ADSS1: variants seen among roughly 807,000 people sequenced by gnomAD.
ADSS1 encodes adenylosuccinate synthetase isozyme 1.
In ADSS1, 57 loss-of-function variants were observed where a neutral mutation model predicts 59.1. The observed-to-expected ratio is 0.97, with a 90% CI of 0.78 to 1.20. ADSS1 has a LOEUF of 1.20. ADSS1 is among the 50% of genes most tolerant of loss of function. ADSS1 has a pLI of 0.00. For synonymous variants in ADSS1, 247 were observed against 249.4 expected, an observed-to-expected ratio of 0.99 and a Z score of 0.09; for missense variants, 603 against 610.3, an observed-to-expected ratio of 0.99 and a Z score of 0.13.
rs1049069618 is a variant in ADSS1 at position 104,740,033 on chromosome 14, G to A, written c.476+217G>A. ...GGGTTGCACACTGTCCTTGCCGGCT[G>A]CCACTGCCACGCGGCTCCCCCCAGG... On this transcript the variant is annotated intron_variant, in intron 5 of 12. Transcript: ENST00000330877. The surrounding 1 kb of genome is among the most constrained non-coding windows in gnomAD (Gnocchi z 4.8). Among the ~76,000 whole-genome samples, 3 of 152,132 alleles carry A rather than the reference G, an allele frequency of 2.0e-5. No individual in the cohort carries two copies. The highest frequency in any genetic ancestry group is 2.9e-5 in the Non-Finnish European group (2 of 68,024).
chr14:104,735,042 C>G lies in ADSS1; in HGVS notation c.215C>G (p.Thr72Arg), dbSNP rs770565985. Residue 72 changes from threonine (T) to arginine (R), a missense_variant, in exon 2 of 13, where the codon ACG becomes AGG. Physicochemically the swap from Thr to Arg is moderately conservative, Grantham distance 71 (BLOSUM62 -1). Coordinates refer to ENST00000330877, the MANE Select transcript of ADSS1 (RefSeq NM_152328.5). ...RCQGGNNAGH[T>R]VVVDGKEYDF... ...CAGGGGGGCAACAACGCCGGCCACA[C>G]GGTGGTGGTGGATGGGAAAGAGTAC... 3 of 1,613,476 alleles carry G rather than the reference C, an allele frequency of 1.9e-6. No individual in the cohort carries two copies. Among genetic ancestry groups the G allele is most frequent in the Non-Finnish European group, 2.5e-6 (3 of 1,179,660 alleles).
rs765804497 is a variant in ADSS1 at position 104,743,116 on chromosome 14, C to T, written c.998C>T (p.Thr333Ile). ...CGCGGCCACGAGTGGGGAGTGACCA[C>T]AGGCAGGAAGAGGCGCTGCGGCTGG... The part of the protein sequence containing the change: ...QTRGHEWGVT[T>I]GRKRRCGWLD... Residue 333 changes from threonine to isoleucine, a missense_variant, in exon 10 of 13, where the codon ACA becomes ATA. By Grantham distance (89) the Thr-to-Ile change is moderately conservative. Coordinates refer to ENST00000330877, the MANE Select transcript of ADSS1 (RefSeq NM_152328.5). The T allele has an allele frequency of 1.2e-6, 2 of 1,613,156 alleles. No homozygotes were observed. The highest frequency in any genetic ancestry group is 2.2e-5 in the East Asian group (1 of 44,882).
intron 2 of ADSS1, chr14:104,737,829 C>A (rs996925107): frequency 6.5e-6 from 1 of 152,782 alleles, no homozygotes; most frequent in Admixed American, 6.5e-5. Flanking sequence ...TCTTCGAGGC[C>A]TGTGTCAGAA....
rs1387241324 is a variant in ADSS1, at chr14:104,740,956, T to G, written c.666+36T>G. 2 of 1,613,196 alleles carry G rather than the reference T, an allele frequency of 1.2e-6. No homozygotes were observed. The highest frequency in any genetic ancestry group is 4.5e-5 in the East Asian group (2 of 44,874). ...GGCCGCAGTGTGGGGGCTGCGGAAG[T>G]GCTCCTCCAGGGAGGCTGGATGTCC... On this transcript the variant is annotated intron_variant, in intron 7 of 12. Transcript: ENST00000330877. The surrounding 1 kb of genome is among the most constrained non-coding windows in gnomAD (Gnocchi z 4.8).
At position 104,743,604 on chromosome 14, in the gene ADSS1, C is replaced by G. The variant is rs532585076; in HGVS notation, c.1073+413C>G. 1.1e-3 allele frequency: 202 copies of G among 181,564 alleles called. 1 individual carries two copies. The highest frequency in any genetic ancestry group is 4.4e-3 in the African/African-American group (191 of 43,460). The allele number at this position is 181,564 out of a possible 1,614,324, so 11.2% of individuals were successfully genotyped here. ...CTTTCCACAGACTGACCCAGGCTGC[C>G]CAGCTGTTCGGGCTGTCTCCCAGGG... On this transcript the variant is annotated intron_variant, in intron 10 of 12. Transcript: ENST00000330877.
intron 1 of ADSS1, among the ~76,000 whole-genome samples, chr14:104,730,956 AG>A (rs1890904475): frequency 2.1e-4 from 1 of 4,724 alleles, no homozygotes; most frequent in Non-Finnish European, 4.9e-4. Flanking sequence ...CTAGGCAGAG[AG>A]TGGGGGGGGG....
chr14:104,741,016 C>G (rs1038327314), intron 7 of ADSS1, 96 bp downstream of exon 7: 1 of 1,603,920 alleles, frequency 6.2e-7, no homozygotes. Flanking sequence ...TGGGGCACAC[C>G]TGATACTAGG....
intron 2 of ADSS1, chr14:104,737,366 T>A (rs537608009): frequency 1.3e-5 from 2 of 152,222 alleles, no homozygotes; most frequent in Non-Finnish European, 2.9e-5. Context: ...CTTCTTTCAC[T>A]CAGTAACATG....
intron 2 of ADSS1, 159 bp from the exon 3 acceptor site, chr14:104,738,217 C>T (rs1022218075): frequency 1.9e-5 from 11 of 587,936 alleles, no homozygotes; most frequent in Non-Finnish European, 2.3e-5. Flanking sequence ...AGGCTGGTTT[C>T]GAACTCCTGA....
chr14:104,743,220 G>A (rs1019706983), intron 10 of ADSS1, 29 bp downstream of exon 10: 2 of 1,604,606 alleles, frequency 1.2e-6, no homozygotes, highest in Admixed American at 1.7e-5. Context: ...CATCCCCACT[G>A]GGACCGTCCC....
chr14:104,724,583 C>A lies in ADSS1; in HGVS notation c.192+121C>A, dbSNP rs924581260. ...CTCACCCGCTTGGATGCCTTCCTTC[C>A]GGGAGCACCTTTCCCAGGGCCACCC... On this transcript the variant is annotated intron_variant, in intron 1 of 12. Coordinates refer to ENST00000330877, the MANE Select transcript of ADSS1 (RefSeq NM_152328.5). 4.1e-6 allele frequency: 5 copies of A among 1,216,380 alleles called. No individual in the cohort carries two copies. The East Asian group carries it at 1.3e-4, about 31-fold the overall frequency. 75.3% of individuals were successfully genotyped at this position (1,216,380 alleles called of 1,614,324 possible). A position where few individuals can be genotyped will look rare whatever the true frequency, so the allele number is the denominator to read the frequency against.
At chr14:104,738,836 G>A (rs1472624372) in intron 3 of ADSS1, among the ~76,000 whole-genome samples, 1 of 152,252 alleles carries the variant, frequency 6.6e-6, no homozygotes, top group Admixed American at 6.5e-5. Flanking sequence ...GTGTGGGCAA[G>A]TCAGACCTAG....
chr14:104,744,884 C>A lies in ADSS1; in HGVS notation c.1146C>A (p.Asn382Lys), dbSNP rs12432802. 3 of 1,613,874 alleles carry A rather than the reference C, an allele frequency of 1.9e-6. No individual in the cohort carries two copies. Among genetic ancestry groups the A allele is most frequent in the African/African-American group, 2.7e-5 (2 of 74,888 alleles). ...AAGTCGGTGTCTCATACAAGCTGAA[C>A]GGGAAAAGGATTCCCTATTTCCCAG... is the stretch of plus-strand genomic sequence containing the variant. ...EVKVGVSYKL[N>K]GKRIPYFPAN... is the part of the protein sequence containing the mutation. The change falls in exon 11 of 13, where the codon AAC becomes AAA. Residue 382 changes from asparagine (N) to lysine (K), a missense_variant. By Grantham distance (94) the Asn-to-Lys change is moderately conservative. Transcript: ENST00000330877.
intron 1 of ADSS1, among the ~76,000 whole-genome samples, chr14:104,726,228 TC>T (rs1240006775): frequency 2.0e-5 from 3 of 152,218 alleles, no homozygotes; most frequent in Admixed American, 2.0e-4. Context: ...GGCAGGATCA[TC>T]CTGAAGAGCT....
intron 12 of ADSS1, 120 bp downstream of exon 12, chr14:104,746,505 T>C (rs1891564183): frequency 3.0e-6 from 4 of 1,347,074 alleles, no homozygotes; most frequent in African/African-American, 2.9e-5. Context: ...AGCGAATATA[T>C]TGCATGGCAG....
At chr14:104,736,250 C>T (rs1276563073) in intron 2 of ADSS1, among the ~76,000 whole-genome samples, 3 of 152,202 alleles carry the variant, frequency 2.0e-5, no homozygotes, top group Admixed American at 6.5e-5. Context: ...GTGGCCTGCC[C>T]GCCATGTCGC....
intron 1 of ADSS1, among the ~76,000 whole-genome samples, chr14:104,724,847 C>CT (rs2140736337): frequency 6.6e-6 from 1 of 152,248 alleles, no homozygotes; most frequent in Admixed American, 6.5e-5. Flanking sequence ...CCCAAGACAC[C>CT]CCCCTTCCTC....
intron 1 of ADSS1, among the ~76,000 whole-genome samples, chr14:104,727,152 C>A (rs554206750): frequency 6.6e-6 from 1 of 152,342 alleles, no homozygotes; most frequent in African/African-American, 2.4e-5. Context: ...TCGCCTCATT[C>A]TTTTCCCATC....
chr14:104,738,195 A>C, intron 2 of ADSS1, 181 bp from the exon 3 acceptor site: 1 of 485,868 alleles, frequency 2.1e-6, no homozygotes, highest in Non-Finnish European at 3.7e-6. Flanking sequence ...ATGGGGTTTC[A>C]CCATGTGGGC....
Sources: gnomAD v4.1 joint callset for allele counts (sites outside exome capture counted in the v4.1 genomes callset) on GRCh38, gnomAD v4.1.1 for gene constraint, Gnocchi (gnomAD v3.1) non-coding constraint, MANE v1.5 for transcripts, NCBI Gene and HGNC (gene_info 2026-07-23, HGNC 2026-07-21) for gene names.